Variants in EPB41L3 observed in about 807,000 individuals in gnomAD.
The protein encoded by EPB41L3 is erythrocyte membrane protein band 4.1 like 3, also known as band 4.1-like protein 3.
A neutral mutation model predicts 127.1 loss-of-function variants in EPB41L3; 57 were observed. The observed-to-expected ratio is 0.45, with a 90% CI of 0.36 to 0.56. EPB41L3 has a LOEUF of 0.56. Ranked by LOEUF, EPB41L3 falls within the 20% of genes least tolerant of loss-of-function variation. EPB41L3 has a pLI of 0.00. For synonymous variants in EPB41L3, 572 were observed against 549.5 expected (o/e 1.04, Z -0.57); for missense variants, 1,273 against 1,372.2 (o/e 0.93, Z 1.14).
chr18:5,564,020 C>T (rs2094166911), intron 3 of EPB41L3, among the ~76,000 whole-genome samples: 2 of 152,018 alleles, frequency 1.3e-5, no homozygotes, highest in African/African-American at 4.8e-5. Context: ...GGAAGACCAA[C>T]AAGGAAGTAT....
At chr18:5,476,222 A>G (rs1183933456) in intron 3 of EPB41L3, among the ~76,000 whole-genome samples, 3 of 152,154 alleles carry the variant, frequency 2.0e-5, no homozygotes, top group Non-Finnish European at 2.9e-5. Flanking sequence ...GTATTTTCTG[A>G]TATCAATGTC....
chr18:5,560,288 G>T (rs929377709), intron 3 of EPB41L3, among the ~76,000 whole-genome samples: 11 of 152,182 alleles, frequency 7.2e-5, no homozygotes, highest in Non-Finnish European at 1.5e-4. Flanking sequence ...ACAGCCTGAT[G>T]AGTGATGGGT....
intron 3 of EPB41L3, among the ~76,000 whole-genome samples, chr18:5,611,726 G>C (rs2144042276): frequency 6.6e-6 from 1 of 152,250 alleles, no homozygotes; most frequent in East Asian, 1.9e-4. Context: ...CCAGGAGTTT[G>C]AGACCAGCCT....
chr18:5,506,637 G>GC, intron 1 of EPB41L3, among the ~76,000 whole-genome samples: 1 of 152,204 alleles, frequency 6.6e-6, no homozygotes, highest in East Asian at 1.9e-4. Flanking sequence ...GAGGCTCTAA[G>GC]CCCCAGGAAG....
intron 1 of EPB41L3, among the ~76,000 whole-genome samples, chr18:5,508,979 C>T (rs943851115): frequency 1.3e-5 from 2 of 152,082 alleles, no homozygotes; most frequent in Non-Finnish European, 2.9e-5. Context: ...AGCAGTCTCT[C>T]ATGGAAGTGT....
chr18:5,601,035 C>T (rs781524007), intron 3 of EPB41L3, among the ~76,000 whole-genome samples: 13 of 152,162 alleles, frequency 8.5e-5, no homozygotes, highest in Admixed American at 3.3e-4. Context: ...TCTTAAAAAA[C>T]ACCAGAGCAC....
chr18:5,487,674 C>T (rs949620149), intron 2 of EPB41L3, among the ~76,000 whole-genome samples: 10 of 150,874 alleles, frequency 6.6e-5, no homozygotes, highest in African/African-American at 7.3e-5. Context: ...GTATTGGGCC[C>T]GGCTGTCTCA....
rs550766461 is a variant in EPB41L3 at position 5,540,295 on chromosome 18, T to C, written c.-12+3618A>G. 4.2e-6 allele frequency: 4 copies of C among 950,906 alleles called. No individual in the cohort carries two copies. The Admixed American group carries it at 2.5e-4, about 58-fold the overall frequency. 58.9% of individuals were successfully genotyped at this position (950,906 alleles called of 1,614,324 possible). ...TTACTCTTGGAGACACATTTTCCCA[T>C]GCAGTCTTATATTCATTTACACCTT... On this transcript the variant is annotated intron_variant, in intron 1 of 22. Transcript: ENST00000341928.
chr18:5,507,000 G>C (rs1250614292), intron 1 of EPB41L3, among the ~76,000 whole-genome samples: 1 of 152,194 alleles, frequency 6.6e-6, no homozygotes, highest in African/African-American at 2.4e-5. Context: ...ACTGATGTCA[G>C]ACAGACATGG....
intron 3 of EPB41L3, among the ~76,000 whole-genome samples, chr18:5,564,000 G>A (rs773576092): frequency 6.6e-6 from 1 of 152,112 alleles, no homozygotes; most frequent in Non-Finnish European, 1.5e-5. Context: ...TTGAACAAGC[G>A]CTGTCTTGAG....
intron 3 of EPB41L3, 149 bp downstream of exon 3, chr18:5,478,092 C>G (rs2322102): frequency 0.99 from 595,833 of 599,704 alleles, 296,092 homozygotes; most frequent in East Asian, 1. Flanking sequence ...TCCCCTGTTA[C>G]AGACTAGGGA....
intron 3 of EPB41L3, among the ~76,000 whole-genome samples, chr18:5,571,911 GA>G (rs2094285693): frequency 6.6e-6 from 1 of 152,236 alleles, no homozygotes; most frequent in African/African-American, 2.4e-5. Flanking sequence ...GTAATTGCCT[GA>G]AGGATATAGG....
chr18:5,583,338 A>G (rs1482963087), intron 3 of EPB41L3, among the ~76,000 whole-genome samples: 1 of 152,242 alleles, frequency 6.6e-6, no homozygotes, highest in Non-Finnish European at 1.5e-5. Flanking sequence ...GGCTGAGTCC[A>G]AATTTTAATC....
At chr18:5,493,171 T>A (rs976370894) in intron 1 of EPB41L3, among the ~76,000 whole-genome samples, 1 of 152,224 alleles carries the variant, frequency 6.6e-6, no homozygotes, top group Non-Finnish European at 1.5e-5. Flanking sequence ...GTTTCTGTAT[T>A]CAAATTTATC....
chr18:5,593,146 T>C (rs2094501749), intron 3 of EPB41L3, among the ~76,000 whole-genome samples: 1 of 152,108 alleles, frequency 6.6e-6, no homozygotes, highest in African/African-American at 2.4e-5. Context: ...TTACTGTTCT[T>C]TTTTAGCATT....
chr18:5,408,171 A>G (rs1234997510), intron 14 of EPB41L3, among the ~76,000 whole-genome samples: 1 of 152,086 alleles, frequency 6.6e-6, no homozygotes, highest in Non-Finnish European at 1.5e-5. Context: ...ATGATTCCCA[A>G]TTTGTAGACC....
rs147342546 is a variant in EPB41L3, at chr18:5,627,858, T to C, written c.-468+1064A>G. ...TCTGCTCCTCAGTACTGAGAACGTT[T>C]TCCTAAGGTACTACACATTCTAAGA... On this transcript the variant is annotated intron_variant, in intron 1 of 21. Transcript: ENST00000545076. 5.9e-5 allele frequency among the ~76,000 whole-genome samples: 9 copies of C among 152,308 alleles called. No individual in the cohort carries two copies. The East Asian group carries it at 1.7e-3, about 29-fold the overall frequency.
chr18:5,585,604 C>G (rs1449391582), intron 3 of EPB41L3, among the ~76,000 whole-genome samples: 1 of 152,166 alleles, frequency 6.6e-6, no homozygotes, highest in Non-Finnish European at 1.5e-5. Flanking sequence ...ACGTGTTAAC[C>G]AAGCGATTTC....
intron 22 of EPB41L3, 135 bp from the exon 23 acceptor site, chr18:5,393,613 T>A (rs1324707225): frequency 1.7e-6 from 1 of 573,822 alleles, no homozygotes. Context: ...CAGCGTTAAG[T>A]CACTGCCAAT....
Sources: gnomAD v4.1 joint callset for allele counts (sites outside exome capture counted in the v4.1 genomes callset) on GRCh38, gnomAD v4.1.1 for gene constraint, MANE v1.5 for transcripts, NCBI Gene and HGNC (gene_info 2026-07-23, HGNC 2026-07-21) for gene names.